The following SFPQ variants were observed in gnomAD, a reference collection of about 807,000 sequenced individuals.
SFPQ encodes the protein splicing factor proline and glutamine rich, also known as splicing factor, proline- and glutamine-rich.
Under a neutral mutation model 72.9 loss-of-function variants are expected in SFPQ, and 11 were observed. The ratio of observed to expected loss-of-function variants is 0.15; its 90% CI spans 0.09 to 0.25. The LOEUF is 0.25. Among genes scored for constraint, SFPQ ranks in the 10% least tolerant of loss-of-function variants. SFPQ has a pLI of 1.00. For synonymous variants in SFPQ, 506 were observed against 367.3 expected (o/e 1.38, Z -4.32); for missense variants, 847 against 993.3 (o/e 0.85, Z 1.98).
downstream of SFPQ, chr1:35,179,904 T>C (rs536189291): frequency 9.5e-7 from 1 of 1,054,838 alleles, no homozygotes; most frequent in South Asian, 4.6e-5. Context: ...CAGGGTTCTA[T>C]GTAATTTAGT....
At chr1:35,178,592 G>A (rs1450822192), downstream of SFPQ, 1 of 1,057,576 alleles carries the variant, frequency 9.5e-7, no homozygotes, top group East Asian at 5.2e-5. Context: ...GAGTTTTAAA[G>A]TTAGGGCTGG....
At chr1:35,176,956 C>G (rs1214776920) in intron 5 of SFPQ, among the ~76,000 whole-genome samples, 1 of 152,094 alleles carries the variant, frequency 6.6e-6, no homozygotes, top group Non-Finnish European at 1.5e-5. Flanking sequence ...TGGCTCAAGC[C>G]TGTAATCCCA....
At position 35,183,526 on chromosome 1, in the gene SFPQ, A is replaced by G; in HGVS notation, c.*930T>C. On this transcript the variant is annotated 3_prime_UTR_variant, in exon 10 of 10. Coordinates refer to ENST00000357214, the MANE Select transcript of SFPQ (RefSeq NM_005066.3). ...GCCACCGCGCCCGGCCCAGTTACTA[A>G]ACCTTCTTACTTTCAAGTTTTGTTT... The G allele has an allele frequency of 9.9e-7, 1 of 1,014,046 alleles. No homozygotes were observed. The highest frequency in any genetic ancestry group is 1.2e-6 in the Non-Finnish European group (1 of 846,408). The allele number at this position is 1,014,046 out of a possible 1,614,324, so 62.8% of individuals were successfully genotyped here. A position where few individuals can be genotyped will look rare whatever the true frequency, so the allele number is the denominator to read the frequency against.
chr1:35,178,969 G>A (rs988689588), downstream of SFPQ: 9 of 1,055,308 alleles, frequency 8.5e-6, no homozygotes, highest in African/African-American at 1.5e-4. Context: ...CAACTGTTGA[G>A]ATTTCCAGTT....
chr1:35,180,211 G>C (rs1249047328), downstream of SFPQ: 2 of 1,051,836 alleles, frequency 1.9e-6, no homozygotes, highest in African/African-American at 1.7e-5. Context: ...CATGAAAACT[G>C]TCTCTCATGC....
At chr1:35,181,420 C>A (rs1639460243), downstream of SFPQ, 1 of 1,063,860 alleles carries the variant, frequency 9.4e-7, no homozygotes, top group Admixed American at 5.4e-5. Flanking sequence ...CGTAACATTA[C>A]AATTTCCCCA....
intron 6 of SFPQ, 42 bp downstream of exon 6, chr1:35,188,961 G>GA (rs780257892): frequency 3.6e-5 from 55 of 1,528,950 alleles, no homozygotes; most frequent in East Asian, 2.3e-5. Flanking sequence ...ACGTTTCAAA[G>GA]AAAAAAATAA....
rs115991307 is a variant in SFPQ at position 35,186,824 on chromosome 1, G to A, written c.1986+177C>T. Among the ~76,000 whole-genome samples, 815 of 152,172 alleles carry A rather than the reference G, an allele frequency of 5.4e-3. 2 individuals are homozygous for A. The highest frequency in any genetic ancestry group is 0.014 in the Middle Eastern group (4 of 294). On this transcript the variant is annotated intron_variant, in intron 9 of 9. Coordinates refer to ENST00000357214, the MANE Select transcript of SFPQ (RefSeq NM_005066.3). ...TTATCTGTTTAGGTTACCACACACC[G>A]AGTTCTTCTATGTTGCCAAAGTATT...
At chr1:35,178,936 T>G, downstream of SFPQ, 1 of 1,054,738 alleles carries the variant, frequency 9.5e-7, no homozygotes, top group Non-Finnish European at 1.1e-6. Context: ...AAAGCAACGT[T>G]TTTATGGTTA....
At chr1:35,187,330 A>G (rs888896648) in intron 7 of SFPQ, 79 bp from the exon 8 acceptor site, 6 of 1,294,084 alleles carry the variant, frequency 4.6e-6, no homozygotes, top group Non-Finnish European at 5.6e-6. Context: ...AATTTTCAAG[A>G]GTTAAATAAA....
In SFPQ at chr1:35,190,587, A is replaced by G; in HGVS notation, c.1326T>C (p.Pro442=). The G allele has an allele frequency of 1.9e-6, 3 of 1,613,072 alleles. No homozygotes were observed. The highest frequency in any genetic ancestry group is 2.5e-6 in the Non-Finnish European group (3 of 1,179,492). The stretch of plus-strand genomic sequence containing the variant: ...CAAGTGGTTCCACAATGACTGGACG[A>G]GGAGTTCTAATAACAAAAATGGTTC... ...SEGVFLLTTT[P]RPVIVEPLEQ... is the part of the protein sequence containing the mutation. Residue 442 remains proline (P), a synonymous_variant, in exon 4 of 10, where the codon CCT becomes CCC. Coordinates refer to ENST00000357214, the MANE Select transcript of SFPQ (RefSeq NM_005066.3).
intron 5 of SFPQ, among the ~76,000 whole-genome samples, chr1:35,176,714 C>CA (rs920889048): frequency 1.3e-4 from 19 of 149,382 alleles, no homozygotes; most frequent in Admixed American, 4.0e-4. Context: ...CTAAAAAATA[C>CA]AAAAAAAAAT....
At chr1:35,192,159 G>A (rs1008618863) in intron 1 of SFPQ, 63 bp downstream of exon 1, 9 of 1,255,798 alleles carry the variant, frequency 7.2e-6, no homozygotes, top group South Asian at 2.4e-5. Flanking sequence ...CGCGGGGGCG[G>A]GGGCGAGGAG....
downstream of SFPQ, chr1:35,178,833 T>C (rs1639350678): frequency 1.9e-6 from 2 of 1,045,802 alleles, no homozygotes; most frequent in Non-Finnish European, 1.2e-6. Flanking sequence ...TTTGCATTCT[T>C]CCCCCCATTC....
chr1:35,184,914 A>G (rs542327949), intron 9 of SFPQ, among the ~76,000 whole-genome samples: 9 of 152,332 alleles, frequency 5.9e-5, no homozygotes, highest in African/African-American at 2.4e-5. Flanking sequence ...ATTTCACATC[A>G]GATTAACCCA....
chr1:35,192,598 G>C lies in SFPQ; in HGVS notation c.452C>G (p.Pro151Arg), dbSNP rs927908174. ...CGAGGTGACTGCAGGCGGCGGGGTCGGAGTCGGGCCTGGCCCGGACCCTGG... is the reference window on the plus strand; with the variant it reads ...CGAGGTGACTGCAGGCGGCGGGGTCCGAGTCGGGCCTGGCCCGGACCCTGG... ...APPGSGPGPT[P>R]TPPPAVTSAP... The change falls in exon 1 of 10, where the codon CCG becomes CGG. Residue 151 changes from proline (P) to arginine (R), a missense_variant. Physicochemically the swap from Pro to Arg is moderately radical, Grantham distance 103 (BLOSUM62 -2). This residue lies in a region of SFPQ where 498 missense variants were observed against 405.1 expected (regional missense o/e 1.23). Transcript: ENST00000357214. The C allele has an allele frequency of 3.0e-6, 4 of 1,340,584 alleles. No individual in the cohort carries two copies. The African/African-American group carries it at 6.2e-5, about 21-fold the overall frequency. The allele number at this position is 1,340,584 out of a possible 1,614,324, so 83.0% of individuals were successfully genotyped here.
At chr1:35,192,081 A>T in intron 1 of SFPQ, 141 bp downstream of exon 1, 1 of 548,632 alleles carries the variant, frequency 1.8e-6, no homozygotes, top group Non-Finnish European at 2.7e-6. Context: ...ACGGCCCCGC[A>T]GGCCGCCCCG....
At chr1:35,180,049 G>A, downstream of SFPQ, 1 of 1,053,972 alleles carries the variant, frequency 9.5e-7, no homozygotes, top group Non-Finnish European at 1.1e-6. Flanking sequence ...TGGACTACAT[G>A]TTAAAGTACA....
At position 35,187,860 on chromosome 1, in the gene SFPQ, GA is replaced by G. The variant is rs1410925855; in HGVS notation, c.1815+112del. 3 of 711,190 alleles carry G rather than the reference GA, an allele frequency of 4.2e-6. No homozygotes were observed. In the East Asian group the frequency reaches 7.4e-5, roughly 18 times the overall value. 44.1% of individuals were successfully genotyped at this position (711,190 alleles called of 1,614,324 possible). A position where few individuals can be genotyped will look rare whatever the true frequency, so the allele number is the denominator to read the frequency against. ...AAATCAAACATAATATACTTTGTTA[GA>G]AAAAAAGCAGAAAATAACTGTAATT... On this transcript the variant is annotated intron_variant, in intron 7 of 9. Transcript: ENST00000357214.
Sources: allele counts gnomAD v4.1 joint callset (sites outside exome capture counted in the v4.1 genomes callset), GRCh38; gene constraint gnomAD v4.1.1; regional missense constraint gnomAD v4.1.1; transcripts MANE v1.5; gene names NCBI Gene and HGNC (gene_info 2026-07-23, HGNC 2026-07-21).